ABCB1: variants seen among roughly 807,000 people sequenced by gnomAD.
The protein encoded by ABCB1 is ATP binding cassette subfamily B member 1, also known as ATP-dependent translocase ABCB1.
A neutral mutation model predicts 142.0 loss-of-function variants in ABCB1; 69 were observed. The ratio of observed to expected loss-of-function variants is 0.49; its 90% confidence interval spans 0.40 to 0.59. The LOEUF (loss-of-function observed/expected upper bound fraction) is 0.59, where lower values mean the gene tolerates loss of function less well. Ranked by LOEUF, ABCB1 falls within the 20% of genes least tolerant of loss-of-function variation. ABCB1 has a pLI of 0.00. For missense variants in ABCB1, 1,326 were observed against 1,554.7 expected (o/e 0.85, Z 2.47); for synonymous variants, 532 against 539.2 (o/e 0.99, Z 0.18).
At chr7:87,510,717 C>T (rs773354872) in intron 25 of ABCB1, among the ~76,000 whole-genome samples, 5 of 152,260 alleles carry the variant, frequency 3.3e-5, no homozygotes, top group Middle Eastern at 3.4e-3. Flanking sequence ...AACATGGCTT[C>T]TGCTTGTGAC....
At chr7:87,639,849 A>AC (rs1822243465) in intron 1 of ABCB1, among the ~76,000 whole-genome samples, 1 of 151,970 alleles carries the variant, frequency 6.6e-6, no homozygotes, top group African/African-American at 2.4e-5. Flanking sequence ...TGATAATCTT[A>AC]GTCTTTTAAT....
At chr7:87,685,319 A>G (rs902612776) in intron 1 of ABCB1, among the ~76,000 whole-genome samples, 1 of 152,240 alleles carries the variant, frequency 6.6e-6, no homozygotes, top group African/African-American at 2.4e-5. Flanking sequence ...ACATATGGCA[A>G]GTAAACAAAT....
chr7:87,698,013 G>T (rs1049317477), intron 1 of ABCB1, among the ~76,000 whole-genome samples: 1 of 152,232 alleles, frequency 6.6e-6, no homozygotes, highest in Admixed American at 6.5e-5. Context: ...AGAAGAGAGG[G>T]AGCAGAAGAA....
intron 2 of ABCB1, among the ~76,000 whole-genome samples, chr7:87,596,493 T>A (rs1474211090): frequency 6.6e-6 from 1 of 152,106 alleles, no homozygotes; most frequent in Non-Finnish European, 1.5e-5. Context: ...GGTCAACTAT[T>A]ATTTTGAGCC....
upstream of ABCB1, among the ~76,000 whole-genome samples, chr7:87,604,591 A>G (rs41296633): frequency 9.3e-4 from 141 of 152,140 alleles, 1 homozygote; most frequent in African/African-American, 3.3e-3. Flanking sequence ...CTCATGTTGG[A>G]TTACATCAGA....
Position 87,515,362 on chromosome 7 carries a change from G to C in ABCB1, c.3151C>G (p.Pro1051Ala), listed in dbSNP as rs28401798. 8.6e-5 allele frequency: 139 copies of C among 1,614,146 alleles called. 1 individual carries two copies. The African/African-American group carries it at 1.7e-3, about 20-fold the overall frequency. The change falls in exon 25 of 28, where the codon CCA (proline) becomes GCA (alanine). Residue 1051 changes from proline (P) to alanine (A), a missense_variant. Pro to Ala is a conservative substitution (Grantham distance 27). Transcript: ENST00000622132. ...VFNYPTRPDI[P>A]VLQGLSLEVK... ...TCCAGGCTCAGTCCCTGAAGCACTG[G>C]GATGTCCGGTCGGGTGGGATAGTTG...
chr7:87,537,464 G>T (rs1370893064), intron 19 of ABCB1, among the ~76,000 whole-genome samples: 2 of 152,180 alleles, frequency 1.3e-5, no homozygotes, highest in Non-Finnish European at 1.5e-5. Flanking sequence ...GGAAGCTTTT[G>T]CAATGTTAAC....
intron 1 of ABCB1, among the ~76,000 whole-genome samples, chr7:87,661,111 C>A (rs1279970264): frequency 6.6e-6 from 1 of 151,560 alleles, no homozygotes; most frequent in Non-Finnish European, 1.5e-5. Flanking sequence ...TGATAGATTA[C>A]ATTTTTAAAA....
intron 3 of ABCB1, among the ~76,000 whole-genome samples, chr7:87,591,158 G>A (rs1002853911): frequency 1.3e-5 from 2 of 152,136 alleles, no homozygotes; most frequent in Non-Finnish European, 1.5e-5. Flanking sequence ...GATGATTGAA[G>A]TAAGAGGTTG....
At chr7:87,651,716 G>A (rs372111241) in intron 1 of ABCB1, among the ~76,000 whole-genome samples, 5 of 152,028 alleles carry the variant, frequency 3.3e-5, no homozygotes, top group African/African-American at 7.2e-5. Flanking sequence ...CATCTCAGGC[G>A]TACTGTGAAG....
intron 4 of ABCB1, among the ~76,000 whole-genome samples, chr7:87,582,440 C>T (rs1331919705): frequency 6.6e-6 from 1 of 152,190 alleles, no homozygotes; most frequent in African/African-American, 2.4e-5. Context: ...CCTTGTCCAT[C>T]CCTCCCACTA....
chr7:87,539,240 C>G (rs748138483), intron 19 of ABCB1, 28 bp downstream of exon 19: 1 of 1,607,942 alleles, frequency 6.2e-7, no homozygotes, highest in Non-Finnish European at 8.5e-7. Flanking sequence ...TTCTACACAT[C>G]CCAGGGCACA....
intron 1 of ABCB1, among the ~76,000 whole-genome samples, chr7:87,668,721 A>G (rs1825521614): frequency 6.6e-6 from 1 of 152,012 alleles, no homozygotes; most frequent in African/African-American, 2.4e-5. Flanking sequence ...TTCTGTCTTA[A>G]TTTCATTATT....
intron 1 of ABCB1, chr7:87,628,821 G>C (rs1251620182): frequency 8.0e-7 from 1 of 1,246,340 alleles, no homozygotes; most frequent in African/African-American, 1.5e-5. Flanking sequence ...GGGTAAGCCC[G>C]CCATGGCCTC....
chr7:87,698,964 T>A (rs776938184), intron 1 of ABCB1, among the ~76,000 whole-genome samples: 2 of 152,146 alleles, frequency 1.3e-5, no homozygotes, highest in African/African-American at 2.4e-5. Flanking sequence ...CTAGAAATAC[T>A]AGGGGGCGAT....
chr7:87,513,396 T>G (rs1225219468), intron 25 of ABCB1, among the ~76,000 whole-genome samples: 1 of 152,210 alleles, frequency 6.6e-6, no homozygotes, highest in South Asian at 2.1e-4. Flanking sequence ...CTTGTGTTTA[T>G]ATACTTGCAG....
At chr7:87,609,071 C>G (rs1819758552) in intron 1 of ABCB1, among the ~76,000 whole-genome samples, 1 of 151,952 alleles carries the variant, frequency 6.6e-6, no homozygotes, top group Admixed American at 6.6e-5. Context: ...TAAGAGTAGG[C>G]AGATAGATAA....
intron 4 of ABCB1, among the ~76,000 whole-genome samples, chr7:87,578,853 C>G (rs995213104): frequency 6.6e-6 from 1 of 151,782 alleles, no homozygotes; most frequent in East Asian, 1.9e-4. Flanking sequence ...GCCACCACGC[C>G]CGGCTAATTT....
At chr7:87,616,621 G>A (rs912269774) in intron 1 of ABCB1, among the ~76,000 whole-genome samples, 1 of 152,226 alleles carries the variant, frequency 6.6e-6, no homozygotes, top group Non-Finnish European at 1.5e-5. Flanking sequence ...TCCCCACCAG[G>A]TAAATATCAG....
Sources: allele counts gnomAD v4.1 joint callset (sites outside exome capture counted in the v4.1 genomes callset), GRCh38; gene constraint gnomAD v4.1.1; transcripts MANE v1.5; gene names NCBI Gene and HGNC (gene_info 2026-07-23, HGNC 2026-07-21).